CDC27: variants seen among roughly 807,000 people sequenced by gnomAD.
The protein encoded by CDC27 is cell division cycle protein 27 homolog.
Under a neutral mutation model 109.7 loss-of-function variants are expected in CDC27, and 27 were observed. That is an observed-to-expected ratio of 0.25 (90% CI 0.18 to 0.34). The LOEUF (loss-of-function observed/expected upper bound fraction) is 0.34. Ranked by LOEUF, CDC27 falls within the 10% of genes least tolerant of loss-of-function variation. The pLI, the probability that CDC27 is intolerant of heterozygous loss-of-function variation, is 1.00. For synonymous variants in CDC27, 266 were observed against 333.9 expected (o/e 0.80, Z 2.22); for missense variants, 579 against 960.2 (o/e 0.60, Z 5.25).
chr17:47,142,496 C>T (rs2148867797), intron 10 of CDC27, 60 bp from the exon 11 acceptor site: 1 of 647,924 alleles, frequency 1.5e-6, no homozygotes, highest in African/African-American at 1.8e-5. Context: ...TTCTCCTCAG[C>T]CCTTTCTCCA....
intron 1 of CDC27, among the ~76,000 whole-genome samples, chr17:47,185,772 GA>G (rs1275006132): frequency 1.3e-5 from 2 of 152,040 alleles, no homozygotes; most frequent in Non-Finnish European, 2.9e-5. Flanking sequence ...AAGATACAAA[GA>G]AAAAAATCAC....
intron 2 of CDC27, 32 bp from the exon 3 acceptor site, chr17:47,172,096 G>A: frequency 6.9e-7 from 1 of 1,456,974 alleles, no homozygotes; most frequent in South Asian, 1.4e-5. Context: ...AAAGGCTATT[G>A]TTCAGTATAT....
At chr17:47,186,891 C>T (rs1027127086) in intron 1 of CDC27, among the ~76,000 whole-genome samples, 5 of 152,128 alleles carry the variant, frequency 3.3e-5, no homozygotes, top group African/African-American at 7.2e-5. Flanking sequence ...TCCAAATACA[C>T]GCAATCTGTC....
chr17:47,188,997 C>G, intron 1 of CDC27, 149 bp downstream of exon 1: 2 of 1,490,586 alleles, frequency 1.3e-6, no homozygotes, highest in African/African-American at 1.4e-5. Context: ...GCAAGGCCTC[C>G]GAACTGACTA....
chr17:47,143,325 A>G (rs2062855865), intron 10 of CDC27, among the ~76,000 whole-genome samples: 1 of 152,214 alleles, frequency 6.6e-6, no homozygotes, highest in Admixed American at 6.5e-5. Flanking sequence ...TCTGCAAATG[A>G]TAACATGTGA....
chr17:47,139,514 G>A (rs955152697), intron 12 of CDC27, among the ~76,000 whole-genome samples: 23 of 152,040 alleles, frequency 1.5e-4, no homozygotes, highest in East Asian at 3.9e-4. Context: ...TGATCCACCC[G>A]CCTCGGCCTC....
At chr17:47,154,639 C>G in intron 8 of CDC27, 33 bp downstream of exon 8, 1 of 1,124,958 alleles carries the variant, frequency 8.9e-7, no homozygotes, top group Non-Finnish European at 1.3e-6. Context: ...TTGCTTTAAT[C>G]AATTCCCAAA....
chr17:47,137,106 C>A, intron 14 of CDC27, 46 bp downstream of exon 14: 2 of 1,181,770 alleles, frequency 1.7e-6, no homozygotes, highest in Non-Finnish European at 2.4e-6. Flanking sequence ...TAGTAAGTAC[C>A]AGCACCATCA....
chr17:47,169,800 C>T, intron 4 of CDC27, 117 bp downstream of exon 4: 1 of 722,414 alleles, frequency 1.4e-6, no homozygotes, highest in African/African-American at 1.8e-5. Flanking sequence ...TAGAATCAGA[C>T]TATGTACTAC....
chr17:47,183,804 T>C lies in CDC27; in HGVS notation c.28-2167A>G, dbSNP rs548848967. Among the ~76,000 whole-genome samples, 3 of 152,316 alleles carry C rather than the reference T, an allele frequency of 2.0e-5. No individual in the cohort carries two copies. In the South Asian group the frequency reaches 6.2e-4, roughly 32 times the overall value. Reference sequence around the variant, plus strand: ...TGCTTTTAAAGCAGGTGCTTATATGTTGAATGAATAAGCAAATGATCTTTA... The same window carrying C: ...TGCTTTTAAAGCAGGTGCTTATATGCTGAATGAATAAGCAAATGATCTTTA... On this transcript the variant is annotated intron_variant, in intron 1 of 18. Coordinates refer to ENST00000066544, the MANE Select transcript of CDC27 (RefSeq NM_001256.6).
At chr17:47,129,035 T>C (rs1254908140) in intron 16 of CDC27, among the ~76,000 whole-genome samples, 2 of 152,214 alleles carry the variant, frequency 1.3e-5, no homozygotes, top group Non-Finnish European at 2.9e-5. Context: ...TCTCCCAAAG[T>C]GCTGGGATTA....
chr17:47,149,976 C>CAAAAAA (rs1324362550), intron 9 of CDC27, among the ~76,000 whole-genome samples: 2 of 151,724 alleles, frequency 1.3e-5, no homozygotes, highest in Non-Finnish European at 1.5e-5. Context: ...AAAACAAAAA[C>CAAAAAA]AAAACTCTAT....
chr17:47,123,800 T>G lies in CDC27; in HGVS notation c.2235+86A>C. The stretch of plus-strand genomic sequence containing the variant: ...TTTAGTTTAATTTGCTCAATAGATA[T>G]GTACAGGAAGTATTACATTTATTCT... On this transcript the variant is annotated intron_variant, in intron 17 of 18. Coordinates refer to ENST00000066544, the MANE Select transcript of CDC27 (RefSeq NM_001256.6). 2.3e-6 allele frequency: 2 copies of G among 883,762 alleles called. 1 individual carries two copies. Among genetic ancestry groups the G allele is most frequent in the Middle Eastern group, 7.2e-4 (2 of 2,788 alleles). The allele number at this position is 883,762 out of a possible 1,614,324, so 54.7% of individuals were successfully genotyped here. A position where few individuals can be genotyped will look rare whatever the true frequency, so the allele number is the denominator to read the frequency against.
intron 9 of CDC27, among the ~76,000 whole-genome samples, chr17:47,150,802 G>A (rs913266617): frequency 2.0e-5 from 3 of 152,198 alleles, no homozygotes; most frequent in African/African-American, 7.2e-5. Flanking sequence ...GGAGGCTGAG[G>A]CAGGCGGATC....
At chr17:47,168,899 C>T (rs965005574) in intron 4 of CDC27, among the ~76,000 whole-genome samples, 5 of 151,922 alleles carry the variant, frequency 3.3e-5, no homozygotes, top group African/African-American at 1.2e-4. Flanking sequence ...AGTCCCCAGT[C>T]ACTTCTCCCA....
At chr17:47,159,912 C>T in intron 4 of CDC27, 1 of 396,008 alleles carries the variant, frequency 2.5e-6, no homozygotes, top group African/African-American at 2.1e-5. Flanking sequence ...TTATCCTTGG[C>T]CTTGCCTCCA....
rs546484439 is a variant in CDC27 at position 47,148,369 on chromosome 17, A to G, written c.1070+3437T>C. On this transcript the variant is annotated intron_variant, in intron 9 of 18. Coordinates refer to ENST00000066544, the MANE Select transcript of CDC27 (RefSeq NM_001256.6). ...ATTTGAAGACATAGCAATAAACACTATCCAAAATGAAACACGGAGAGGAGA... is the reference window on the plus strand; with the variant it reads ...ATTTGAAGACATAGCAATAAACACTGTCCAAAATGAAACACGGAGAGGAGA... Among the ~76,000 whole-genome samples the G allele has an allele frequency of 2.6e-5, 4 of 152,322 alleles. No homozygotes were observed. In the East Asian group the frequency reaches 7.7e-4, roughly 29 times the overall value.
chr17:47,122,450 GTTC>G lies in CDC27; in HGVS notation c.2383_2385del (p.Glu795del). On this transcript the variant is annotated inframe_deletion, in exon 18 of 19. Coordinates refer to ENST00000066544, the MANE Select transcript of CDC27 (RefSeq NM_001256.6). ...TCATATGTATGATACTTACTGATCT[GTTC>G]TTCTTGGGTTATTGGCTCCTCATCA... 1 of 1,599,008 alleles carries G rather than the reference GTTC, an allele frequency of 6.3e-7. No individual in the cohort carries two copies. Among genetic ancestry groups the G allele is most frequent in the African/African-American group, 1.3e-5 (1 of 74,400 alleles).
intron 4 of CDC27, among the ~76,000 whole-genome samples, chr17:47,168,068 C>T (rs932576774): frequency 2.0e-5 from 3 of 152,194 alleles, no homozygotes; most frequent in African/African-American, 7.2e-5. Context: ...CTGCCAGGAA[C>T]CTCCATGTGT....
Sources: gnomAD v4.1 joint callset for allele counts (sites outside exome capture counted in the v4.1 genomes callset) on GRCh38, gnomAD v4.1.1 for gene constraint, MANE v1.5 for transcripts, NCBI Gene and HGNC (gene_info 2026-07-23, HGNC 2026-07-21) for gene names.